SCARA3: variants seen among roughly 807,000 people sequenced by gnomAD.
SCARA3 encodes scavenger receptor class A member 3.
A neutral mutation model predicts 47.0 loss-of-function variants in SCARA3; 39 were observed. The ratio of observed to expected loss-of-function variants is 0.83; its 90% CI spans 0.64 to 1.08. The LOEUF (loss-of-function observed/expected upper bound fraction) is 1.08. SCARA3 is among the 50% of genes least tolerant of loss of function. The probability of loss-of-function intolerance (pLI) is 0.00; values close to 1 mark genes in which losing one functional copy is unlikely to be tolerated. For missense variants in SCARA3, 724 were observed against 792.3 expected (o/e 0.91, Z 1.04); for synonymous variants, 356 against 334.1 (o/e 1.07, Z -0.71).
chr8:27,689,334 T>A, the SCARA3 span, among the ~76,000 whole-genome samples: 96,722 of 152,048 alleles, frequency 0.64, 32,184 homozygotes, highest in Non-Finnish European at 0.74. Flanking sequence ...TGAGAGTGAA[T>A]GGGCTTTATG....
chr8:27,649,835 T>A, intron 2 of SCARA3, 35 bp downstream of exon 2: 4 of 1,535,662 alleles, frequency 2.6e-6, no homozygotes, highest in Non-Finnish European at 3.6e-6. Flanking sequence ...ATCTCCGCTC[T>A]GGGCTGAGAG....
intron 5 of SCARA3, among the ~76,000 whole-genome samples, chr8:27,661,381 C>A (rs1801909936): frequency 6.6e-6 from 1 of 152,092 alleles, no homozygotes; most frequent in Non-Finnish European, 1.5e-5. Context: ...GAGTTAAAGT[C>A]CTTGAGTGAA....
chr8:27,643,981 C>T (rs34912406), intron 1 of SCARA3, among the ~76,000 whole-genome samples: 12 of 152,156 alleles, frequency 7.9e-5, no homozygotes, highest in African/African-American at 4.8e-5. Flanking sequence ...CTGAACCAAG[C>T]TCAACCCCAG....
the SCARA3 span, among the ~76,000 whole-genome samples, chr8:27,691,785 C>T: frequency 6.6e-6 from 1 of 152,110 alleles, no homozygotes; most frequent in Non-Finnish European, 1.5e-5. Flanking sequence ...ACAAAGTTCT[C>T]CCACCCTTAT....
At chr8:27,646,572 A>G (rs576256) in intron 1 of SCARA3, among the ~76,000 whole-genome samples, 29,310 of 152,182 alleles carry the variant, frequency 0.19, 3,290 homozygotes, top group Middle Eastern at 0.33. Flanking sequence ...GAACCCGGCC[A>G]AGGAGGCAGC....
chr8:27,667,863 A>G (rs1329201975), intron 5 of SCARA3, among the ~76,000 whole-genome samples: 3 of 152,122 alleles, frequency 2.0e-5, no homozygotes, highest in African/African-American at 7.2e-5. Flanking sequence ...GCCCACGCGG[A>G]GACCCACAAG....
chr8:27,691,460 G>A, the SCARA3 span, among the ~76,000 whole-genome samples: 11,507 of 151,966 alleles, frequency 0.076, 573 homozygotes, highest in Non-Finnish European at 0.11. Context: ...ACATGCTAAC[G>A]TTTCCAGCCT....
At chr8:27,650,627 T>C (rs939700623) in intron 2 of SCARA3, among the ~76,000 whole-genome samples, 2 of 152,206 alleles carry the variant, frequency 1.3e-5, no homozygotes, top group African/African-American at 4.8e-5. Flanking sequence ...GTAGTCAGAA[T>C]GTGTGGCTAA....
chr8:27,667,600 C>T (rs562228833), intron 5 of SCARA3, among the ~76,000 whole-genome samples: 2 of 152,342 alleles, frequency 1.3e-5, no homozygotes, highest in East Asian at 3.9e-4. Context: ...CCACCCGCTG[C>T]ACCTGCATTG....
chr8:27,671,243 G>A lies in SCARA3; in HGVS notation c.1713G>A (p.Gly571=), dbSNP rs1435219479. The change falls in exon 6 of 6, where the codon GGG becomes GGA. Residue 571 remains glycine, a synonymous_variant. Transcript: ENST00000301904. ...AACCGGGAATTGCAGGGAAGACAGGGTCACCAGGCCAGCGGGGGGCCATGG... is the reference window on the plus strand; with the variant it reads ...AACCGGGAATTGCAGGGAAGACAGGATCACCAGGCCAGCGGGGGGCCATGG... The part of the protein sequence containing the change: ...QGKPGIAGKT[G]SPGQRGAMGP... 6.7e-7 allele frequency: 1 copy of A among 1,499,416 alleles called. No individual in the cohort carries two copies. The highest frequency in any genetic ancestry group is 1.3e-5 in the South Asian group (1 of 75,498). The allele number at this position is 1,499,416 out of a possible 1,614,324, so 92.9% of individuals were successfully genotyped here.
At chr8:27,653,766 A>G (rs987995897) in intron 3 of SCARA3, among the ~76,000 whole-genome samples, 7 of 152,190 alleles carry the variant, frequency 4.6e-5, no homozygotes, top group Non-Finnish European at 1.0e-4. Flanking sequence ...GGGACCAAGA[A>G]CTATATTCTA....
intron 5 of SCARA3, among the ~76,000 whole-genome samples, chr8:27,659,861 AAAAAAAAAAAAAAAAAGAG>A: frequency 7.9e-6 from 1 of 126,698 alleles, no homozygotes; most frequent in Non-Finnish European, 1.8e-5. Context: ...AAAAAAAAAA[AAAAAAAAAAAAAAAAAGAG>A]AGAGAGAGAG....
chr8:27,675,981 T>C (rs1304892348), downstream of SCARA3, among the ~76,000 whole-genome samples: 2 of 152,112 alleles, frequency 1.3e-5, no homozygotes, highest in Non-Finnish European at 2.9e-5. Flanking sequence ...GCCACAGGTG[T>C]AGGAGATATA....
chr8:27,667,595 C>T (rs913720394), intron 5 of SCARA3, among the ~76,000 whole-genome samples: 24 of 152,320 alleles, frequency 1.6e-4, no homozygotes, highest in Admixed American at 3.3e-4. Flanking sequence ...CGTGGCCACC[C>T]GCTGCACCTG....
Position 27,651,554 on chromosome 8 carries a change from G to A in SCARA3, c.153G>A (p.Leu51=), listed in dbSNP as rs370040298. 1.3e-4 allele frequency: 214 copies of A among 1,613,986 alleles called. No individual in the cohort carries two copies. Among genetic ancestry groups the A allele is most frequent in the Non-Finnish European group, 1.6e-4 (194 of 1,180,022 alleles). Residue 51 remains leucine, a synonymous_variant, in exon 3 of 6, where the codon TTG becomes TTA. Coordinates refer to ENST00000301904, the MANE Select transcript of SCARA3 (RefSeq NM_016240.3). ...RCSRCQKNLS[L]HTSVRILYLF... ...GCCGCTGCCAGAAGAACCTATCTTT[G>A]CACACATCGGTGCGGATTCTTTACC...
chr8:27,652,842 C>T (rs950335727), intron 3 of SCARA3, among the ~76,000 whole-genome samples: 1 of 152,176 alleles, frequency 6.6e-6, no homozygotes, highest in Non-Finnish European at 1.5e-5. Context: ...AGAGTACCCC[C>T]TCCACTCACT....
chr8:27,665,739 G>A (rs1367859306), intron 5 of SCARA3, among the ~76,000 whole-genome samples: 1 of 152,144 alleles, frequency 6.6e-6, no homozygotes, highest in Non-Finnish European at 1.5e-5. Context: ...TATCCCATAG[G>A]GTAATTGTGA....
chr8:27,711,509 T>C, the SCARA3 span, among the ~76,000 whole-genome samples: 31 of 152,274 alleles, frequency 2.0e-4, no homozygotes, highest in African/African-American at 7.0e-4. Context: ...TTGGCTTATC[T>C]TGTATATCTT....
intron 1 of SCARA3, among the ~76,000 whole-genome samples, chr8:27,646,978 C>CCCCCCCCCCCCCCCCCCT (rs1801514724): frequency 9.1e-6 from 1 of 110,492 alleles, no homozygotes; most frequent in Non-Finnish European, 2.0e-5. Context: ...CCCCGCCCCC[C>CCCCCCCCCCCCCCCCCCT]CCCCGCACAC....
Sources: gnomAD v4.1 joint callset for allele counts (sites outside exome capture counted in the v4.1 genomes callset) on GRCh38, gnomAD v4.1.1 for gene constraint, MANE v1.5 for transcripts, NCBI Gene and HGNC (gene_info 2026-07-23, HGNC 2026-07-21) for gene names.